WWOX: variants seen among roughly 807,000 people sequenced by gnomAD.
WWOX encodes the protein WW domain-containing oxidoreductase.
WWOX carries 69 observed loss-of-function variants against 46.2 expected under a neutral mutation model. That is an observed-to-expected ratio of 1.49 (90% CI 1.23 to 1.82). The LOEUF (loss-of-function observed/expected upper bound fraction) is 1.82, where lower values mean the gene tolerates loss of function less well. WWOX is among the 40% of genes most tolerant of loss of function. The pLI is 0.00. For synonymous variants in WWOX, 359 were observed against 202.6 expected (o/e 1.77, Z -6.56); for missense variants, 919 against 542.6 (o/e 1.69, Z -6.89).
rs78192082 is a variant in WWOX at position 78,100,753 on chromosome 16, A to T, written c.107+868A>T. Among the ~76,000 whole-genome samples, 44 of 152,356 alleles carry T rather than the reference A, an allele frequency of 2.9e-4. No homozygotes were observed. The East Asian group carries it at 7.9e-3, about 27-fold the overall frequency. ...GCGTAAAGCACATAGCACCGTGTCT[A>T]GTAGGTACTCTCTGTTCCTTAACTG... On this transcript the variant is annotated intron_variant, in intron 1 of 8. Transcript: ENST00000566780.
At chr16:79,137,744 C>G (rs1046975599) in intron 8 of WWOX, among the ~76,000 whole-genome samples, 1 of 152,090 alleles carries the variant, frequency 6.6e-6, no homozygotes, top group African/African-American at 2.4e-5. Context: ...CTCCTGCTCT[C>G]CAGCCTGGCC....
Position 78,476,122 on chromosome 16 carries a change from G to A in WWOX, c.1056+43370G>A, listed in dbSNP as rs115226188. Among the ~76,000 whole-genome samples, 775 of 152,270 alleles carry A rather than the reference G, an allele frequency of 5.1e-3. 8 individuals carry two copies. The highest frequency in any genetic ancestry group is 0.018 in the African/African-American group (742 of 41,542). On this transcript the variant is annotated intron_variant, in intron 8 of 8. Transcript: ENST00000566780. ...TTGTTACCAAATCCAGGCAAATCTT[G>A]CCTGTGATACAGGTGGTGAAGCTAC... is the stretch of plus-strand genomic sequence containing the variant.
intron 8 of WWOX, among the ~76,000 whole-genome samples, chr16:78,728,055 C>CTTTTTTTT (rs758484198): frequency 2.3e-5 from 2 of 86,804 alleles, no homozygotes; most frequent in East Asian, 2.6e-4. Flanking sequence ...TCCCTCCTTC[C>CTTTTTTTT]TTTTTTTTTT....
At chr16:78,436,043 G>C (rs562461424) in intron 8 of WWOX, among the ~76,000 whole-genome samples, 1 of 152,142 alleles carries the variant, frequency 6.6e-6, no homozygotes, top group Non-Finnish European at 1.5e-5. Flanking sequence ...AAAACACCAC[G>C]TGTGCCAAGT....
chr16:78,636,321 G>C (rs2046569264), intron 8 of WWOX, among the ~76,000 whole-genome samples: 1 of 152,090 alleles, frequency 6.6e-6, no homozygotes, highest in Non-Finnish European at 1.5e-5. Context: ...CACAGCCAAA[G>C]ACCCCCACCT....
intron 8 of WWOX, among the ~76,000 whole-genome samples, chr16:78,844,676 C>G (rs6564608): frequency 0.7 from 106,449 of 152,096 alleles, 37,610 homozygotes; most frequent in Middle Eastern, 0.76. Context: ...TAAAACATAC[C>G]TTTTTAAAGA....
chr16:78,699,529 A>T (rs926634261), intron 8 of WWOX, among the ~76,000 whole-genome samples: 9 of 152,178 alleles, frequency 5.9e-5, no homozygotes, highest in African/African-American at 2.2e-4. Context: ...ACAGAGTGAG[A>T]CCCTGTCTCA....
chr16:78,774,432 G>C (rs2050137798), intron 8 of WWOX, among the ~76,000 whole-genome samples: 2 of 152,064 alleles, frequency 1.3e-5, no homozygotes, highest in Non-Finnish European at 2.9e-5. Flanking sequence ...ATGATGATAG[G>C]TGTTGGAATC....
In WWOX at chr16:78,692,136, G is replaced by A. The variant is rs548716446; in HGVS notation, c.1056+259384G>A. ...TCTCAGGTATGTCTTTATCAGCAGC[G>A]TGAAAACGGACTAATACAGTGAGGA... On this transcript the variant is annotated intron_variant, in intron 8 of 8. Transcript: ENST00000566780. 9.9e-5 allele frequency among the ~76,000 whole-genome samples: 15 copies of A among 152,234 alleles called. No homozygotes were observed. The South Asian group carries it at 1.0e-3, about 11-fold the overall frequency.
intron 8 of WWOX, among the ~76,000 whole-genome samples, chr16:79,044,693 C>G (rs867058921): frequency 6.6e-6 from 1 of 152,178 alleles, no homozygotes; most frequent in African/African-American, 2.4e-5. Flanking sequence ...TATAGCAATG[C>G]AAGAATGGCC....
At chr16:79,054,504 T>C (rs1043179119) in intron 8 of WWOX, among the ~76,000 whole-genome samples, 1 of 152,136 alleles carries the variant, frequency 6.6e-6, no homozygotes, top group African/African-American at 2.4e-5. Context: ...AATACATTAA[T>C]TTCTGGAACT....
At chr16:79,046,677 G>A (rs929784690) in intron 8 of WWOX, among the ~76,000 whole-genome samples, 11 of 152,152 alleles carry the variant, frequency 7.2e-5, no homozygotes, top group African/African-American at 2.2e-4. Flanking sequence ...GCTCAGCCCA[G>A]CAGGAGATTT....
intron 5 of WWOX, among the ~76,000 whole-genome samples, chr16:78,335,603 A>G (rs1351783516): frequency 6.6e-6 from 1 of 152,188 alleles, no homozygotes; most frequent in Non-Finnish European, 1.5e-5. Flanking sequence ...CTGGGTATGT[A>G]ACCAAAGGAA....
chr16:79,141,569 G>A (rs1207420376), intron 8 of WWOX, among the ~76,000 whole-genome samples: 1 of 152,224 alleles, frequency 6.6e-6, no homozygotes, highest in African/African-American at 2.4e-5. Flanking sequence ...CTTTGGCTTT[G>A]TAGAAGGTCG....
At chr16:79,177,819 A>T (rs9924918) in intron 8 of WWOX, among the ~76,000 whole-genome samples, 80,513 of 151,940 alleles carry the variant, frequency 0.53, 22,034 homozygotes, top group East Asian at 0.91. Context: ...AAAGTACTAA[A>T]TGTTACCATT....
chr16:78,202,743 C>T (rs994264247), intron 5 of WWOX, among the ~76,000 whole-genome samples: 1 of 151,720 alleles, frequency 6.6e-6, no homozygotes, highest in Non-Finnish European at 1.5e-5. Context: ...TGTACTGTGT[C>T]CCCACTTTAA....
intron 5 of WWOX, chr16:78,241,213 G>T (rs544130819): frequency 6.6e-6 from 1 of 152,120 alleles, no homozygotes; most frequent in Non-Finnish European, 1.5e-5. Context: ...CAGTGGATTC[G>T]GTGTGCCGTC....
At chr16:78,594,253 A>G (rs953545298) in intron 8 of WWOX, among the ~76,000 whole-genome samples, 5 of 151,990 alleles carry the variant, frequency 3.3e-5, no homozygotes, top group Non-Finnish European at 7.4e-5. Context: ...ATCAATTCAT[A>G]TGGTCCTCTG....
At chr16:78,214,505 C>T (rs1409096323) in intron 5 of WWOX, among the ~76,000 whole-genome samples, 2 of 152,160 alleles carry the variant, frequency 1.3e-5, no homozygotes, top group Non-Finnish European at 2.9e-5. Flanking sequence ...GTCTGATCTC[C>T]TCCCGAAGTC....
Sources: gnomAD v4.1 joint callset for allele counts (sites outside exome capture counted in the v4.1 genomes callset) on GRCh38, gnomAD v4.1.1 for gene constraint, MANE v1.5 for transcripts, NCBI Gene and HGNC (gene_info 2026-07-23, HGNC 2026-07-21) for gene names.